Variants in HNF1A observed in about 807,000 individuals in gnomAD.
HNF1A encodes hepatocyte nuclear factor 1-alpha.
In HNF1A, 21 loss-of-function variants were observed where a neutral mutation model predicts 62.2. The ratio of observed to expected loss-of-function variants is 0.34; its 90% CI spans 0.24 to 0.49. The LOEUF is 0.49. Ranked by LOEUF, HNF1A falls within the 20% of genes least tolerant of loss-of-function variation. The probability of loss-of-function intolerance (pLI) is 0.99; values close to 1 mark genes in which losing one functional copy is unlikely to be tolerated. For synonymous variants in HNF1A, 374 were observed against 366.8 expected (o/e 1.02, Z -0.22); for missense variants, 687 against 832.3 (o/e 0.83, Z 2.15).
rs1877183611 is a variant in HNF1A at position 120,997,668 on chromosome 12, G to A, written c.1501+3G>A. On this transcript the variant is annotated splice_donor_region_variant and intron_variant, in intron 7 of 9. Coordinates refer to ENST00000257555, the MANE Select transcript of HNF1A (RefSeq NM_000545.8). ...GGCTCAGCTGCAGAGCCCCCACGGT[G>A]AGCGCCCTGTGCCCCACACAGCAGG... 1 of 1,608,646 alleles carries A rather than the reference G, an allele frequency of 6.2e-7. No individual in the cohort carries two copies. The highest frequency in any genetic ancestry group is 8.5e-7 in the Non-Finnish European group (1 of 1,177,810).
intron 4 of HNF1A, among the ~76,000 whole-genome samples, chr12:120,995,052 C>T (rs1877031417): frequency 6.6e-6 from 1 of 150,890 alleles, no homozygotes; most frequent in Non-Finnish European, 1.5e-5. Context: ...TCCATCCATT[C>T]CATCCAACTT....
In HNF1A at chr12:121,001,275, G is replaced by A; in HGVS notation, c.*83G>A. ...AGCCAGCCCTGCCTGGAGGACCTGAGCCTGCCGAGCAACCGTGGCCCTTCC... is the reference window on the plus strand; with the variant it reads ...AGCCAGCCCTGCCTGGAGGACCTGAACCTGCCGAGCAACCGTGGCCCTTCC... On this transcript the variant is annotated 3_prime_UTR_variant, in exon 10 of 10. Coordinates refer to ENST00000257555, the MANE Select transcript of HNF1A (RefSeq NM_000545.8). 1 of 1,538,086 alleles carries A rather than the reference G, an allele frequency of 6.5e-7. No homozygotes were observed. The highest frequency in any genetic ancestry group is 8.9e-7 in the Non-Finnish European group (1 of 1,127,230).
chr12:120,994,842 C>G (rs1877014294), intron 4 of HNF1A, among the ~76,000 whole-genome samples: 2 of 150,868 alleles, frequency 1.3e-5, no homozygotes, highest in Admixed American at 1.3e-4. Flanking sequence ...CCAACTTCAT[C>G]CCATCTACTA....
intron 1 of HNF1A, among the ~76,000 whole-genome samples, chr12:120,983,550 C>CT (rs554689596): frequency 0.015 from 2,180 of 143,730 alleles, 38 homozygotes; most frequent in Non-Finnish European, 0.019. Context: ...TTCTTTCTTT[C>CT]TTTTTTTTTT....
At chr12:120,983,944 G>GTGTGTGTGTA in intron 1 of HNF1A, among the ~76,000 whole-genome samples, 1 of 136,650 alleles carries the variant, frequency 7.3e-6, no homozygotes, top group Non-Finnish European at 1.6e-5. Flanking sequence ...GTGTGTGTGT[G>GTGTGTGTGTA]TGTGTTTGTG....
chr12:120,984,739 G>A (rs189012198), intron 1 of HNF1A, among the ~76,000 whole-genome samples: 3 of 152,066 alleles, frequency 2.0e-5, no homozygotes, highest in East Asian at 3.9e-4. Flanking sequence ...AGAGGCCTGC[G>A]GGGGTGGGGT....
At position 120,996,673 on chromosome 12, in the gene HNF1A, ATCG is replaced by A; in HGVS notation, c.1241_1243del (p.Ile414_Gly415delinsArg). The stretch of plus-strand genomic sequence containing the variant: ...GGCCTCACTTCCTGGGGTCATGACC[ATCG>A]GGCCTGGTGAGCCTGCCTCCCTGGG... On this transcript the variant is annotated inframe_deletion, in exon 6 of 10. Transcript: ENST00000257555. This position sits in a 1 kb window ranked among gnomAD's most constrained non-coding sequence, Gnocchi z 4.5. 6.2e-7 allele frequency: 1 copy of A among 1,613,908 alleles called. No homozygotes were observed. Among genetic ancestry groups the A allele is most frequent in the Non-Finnish European group, 8.5e-7 (1 of 1,179,982 alleles).
At position 120,993,581 on chromosome 12, in the gene HNF1A, CAAG is replaced by C; in HGVS notation, c.592_594del (p.Lys198del). On this transcript the variant is annotated inframe_deletion, in exon 3 of 10. Coordinates refer to ENST00000257555, the MANE Select transcript of HNF1A (RefSeq NM_000545.8). ...AGCCCACAGGTGATGAGCTACCAAC[CAAG>C]AAGGGGCGGAGGAACCGTTTCAAGT... 1.9e-6 allele frequency: 3 copies of C among 1,614,126 alleles called. No homozygotes were observed. Among genetic ancestry groups the C allele is most frequent in the Non-Finnish European group, 2.5e-6 (3 of 1,180,004 alleles).
At chr12:120,993,399 G>GTAGATTAGATGAT (rs1876924356) in intron 2 of HNF1A, 121 bp from the exon 3 acceptor site, 1 of 926,010 alleles carries the variant, frequency 1.1e-6, no homozygotes, top group Non-Finnish European at 1.7e-6. Context: ...CTAAGTTCTA[G>GTAGATTAGATGAT]CTGTAAGCTC....
Position 120,978,651 on chromosome 12 carries a change from C to A in HNF1A, c.-118C>A, listed in dbSNP as rs770046425. Reference sequence around the variant, plus strand: ...CTTGGCTAGTGGGGTTTTGGGGGGGCAGTGGGTGCAAGGAGTTTGGTTTGT... The same window carrying A: ...CTTGGCTAGTGGGGTTTTGGGGGGGAAGTGGGTGCAAGGAGTTTGGTTTGT... On this transcript the variant is annotated 5_prime_UTR_variant, in exon 1 of 10. Transcript: ENST00000257555. 2.1e-6 allele frequency: 2 copies of A among 951,868 alleles called. No homozygotes were observed. The highest frequency in any genetic ancestry group is 1.6e-5 in the African/African-American group (1 of 62,402). The allele number at this position is 951,868 out of a possible 1,614,324, so 59.0% of individuals were successfully genotyped here. A position where few individuals can be genotyped will look rare whatever the true frequency, so the allele number is the denominator to read the frequency against.
At position 120,997,535 on chromosome 12, in the gene HNF1A, C is replaced by T; in HGVS notation, c.1371C>T (p.Thr457=). The T allele has an allele frequency of 6.2e-7, 1 of 1,613,560 alleles. No individual in the cohort carries two copies. Among genetic ancestry groups the T allele is most frequent in the Non-Finnish European group, 8.5e-7 (1 of 1,179,988 alleles). ...TCAACAGCATGGGCAGCAGCCTGACCACCCTGCAGCCCGTCCAGTTCTCCC... is the reference window on the plus strand; with the variant it reads ...TCAACAGCATGGGCAGCAGCCTGACTACCCTGCAGCCCGTCCAGTTCTCCC... The part of the protein sequence containing the change: ...PVINSMGSSL[T]TLQPVQFSQP... The change falls in exon 7 of 10, where the codon ACC becomes ACT. Residue 457 remains threonine, a synonymous_variant. Coordinates refer to ENST00000257555, the MANE Select transcript of HNF1A (RefSeq NM_000545.8).
intron 6 of HNF1A, chr12:120,997,242 G>A (rs1268381998): frequency 7.0e-7 from 1 of 1,428,200 alleles, no homozygotes; most frequent in Non-Finnish European, 9.1e-7. Flanking sequence ...ACAAGTCACC[G>A]CCTGCCTCTC....
chr12:120,989,411 CCAT>C (rs1387464982), intron 2 of HNF1A, among the ~76,000 whole-genome samples: 1 of 152,318 alleles, frequency 6.6e-6, no homozygotes, highest in Middle Eastern at 3.4e-3. Flanking sequence ...GTGCCCACCA[CCAT>C]GCCTGGCTAA....
In HNF1A at chr12:120,996,225, G is replaced by T; in HGVS notation, c.956-37G>T. 6.2e-7 allele frequency: 1 copy of T among 1,612,668 alleles called. No individual in the cohort carries two copies. ...TGTGGAGGCAGGGGAGGGCAGGGAAGTGGGGTGCTGAGGCAGGACACTGCT... is the reference window on the plus strand; with the variant it reads ...TGTGGAGGCAGGGGAGGGCAGGGAATTGGGGTGCTGAGGCAGGACACTGCT... On this transcript the variant is annotated intron_variant, in intron 4 of 9. Coordinates refer to ENST00000257555, the MANE Select transcript of HNF1A (RefSeq NM_000545.8). The surrounding 1 kb of genome is among the most constrained non-coding windows in gnomAD (Gnocchi z 4.5).
rs764174318 is a variant in HNF1A, at chr12:120,978,834, C to G, written c.66C>G (p.Ser22Arg). ...CGGCCCTGCTCGAGTCAGGGCTGAG[C>G]AAAGAGGCACTGATCCAGGCACTGG... ...LLAALLESGL[S>R]KEALIQALGE... The change falls in exon 1 of 10, where the codon AGC (serine) becomes AGG (arginine). Residue 22 changes from serine (S) to arginine (R), a missense_variant. By Grantham distance (110) the Ser-to-Arg change is moderately radical. Around this residue, in one of 5 missense-constraint regions of HNF1A, gnomAD observed 159 missense variants for 154.4 expected, o/e 1.03. Transcript: ENST00000257555. The G allele has an allele frequency of 5.0e-5, 80 of 1,613,108 alleles. No homozygotes were observed. The highest frequency in any genetic ancestry group is 2.7e-5 in the African/African-American group (2 of 74,890).
rs143592417 is a variant in HNF1A at position 120,999,298 on chromosome 12, A to G, written c.1532A>G (p.Gln511Arg). 11 of 1,613,784 alleles carry G rather than the reference A, an allele frequency of 6.8e-6. No individual in the cohort carries two copies. Among genetic ancestry groups the G allele is most frequent in the Non-Finnish European group, 7.6e-6 (9 of 1,179,988 alleles). The change falls in exon 8 of 10, where the codon CAG (glutamine) becomes CGG (arginine). Residue 511 changes from glutamine to arginine, a missense_variant. By Grantham distance (43) the Gln-to-Arg change is conservative. Around this residue, in one of 5 missense-constraint regions of HNF1A, gnomAD observed 408 missense variants for 455.3 expected, o/e 0.90. Transcript: ENST00000257555. ...TACAGCCACAAGCCCGAGGTGGCCC[A>G]GTACACCCACACGGGCCTGCTCCCG... The part of the protein sequence containing the change: ...ALYSHKPEVA[Q>R]YTHTGLLPQT...
chr12:120,997,900 G>T (rs545563180), intron 7 of HNF1A: 2 of 683,304 alleles, frequency 2.9e-6, no homozygotes, highest in Non-Finnish European at 5.5e-6. Flanking sequence ...GGTGTGTATC[G>T]GTTGTGCATG....
chr12:120,996,592 C>T lies in HNF1A; in HGVS notation c.1159C>T (p.His387Tyr), dbSNP rs1403526456. 38 of 1,613,952 alleles carry T rather than the reference C, an allele frequency of 2.4e-5. No individual in the cohort carries two copies. Among genetic ancestry groups the T allele is most frequent in the Non-Finnish European group, 3.0e-5 (35 of 1,179,994 alleles). ...LPPVSTLTAL[H>Y]SLEQTSPGLN... ...CCCTGTCAGCACCCTGACAGCACTG[C>T]ACAGCTTGGAGCAGACATCCCCAGG... The change falls in exon 6 of 10, where the codon CAC (histidine) becomes TAC (tyrosine). Residue 387 changes from histidine to tyrosine, a missense_variant. Transcript: ENST00000257555. This position sits in a 1 kb window ranked among gnomAD's most constrained non-coding sequence, Gnocchi z 4.5.
chr12:120,993,693 G>A lies in HNF1A; in HGVS notation c.700G>A (p.Glu234Lys), dbSNP rs2135839920. The change falls in exon 3 of 10, where the codon GAG (glutamate) becomes AAG (lysine). Residue 234 changes from glutamate to lysine, a missense_variant. Coordinates refer to ENST00000257555, the MANE Select transcript of HNF1A (RefSeq NM_000545.8). The stretch of plus-strand genomic sequence containing the variant: ...CAAGGAGGAGCGAGAGACGCTAGTG[G>A]AGGAGTGCAATAGGTACAACGGCGG... ...PSKEERETLVEECNRAECIQR... is the reference protein window; with the variant it reads ...PSKEERETLVKECNRAECIQR... 5 of 1,614,000 alleles carry A rather than the reference G, an allele frequency of 3.1e-6. No homozygotes were observed. Among genetic ancestry groups the A allele is most frequent in the Non-Finnish European group, 4.2e-6 (5 of 1,180,006 alleles).
Sources: gnomAD v4.1 joint callset for allele counts (sites outside exome capture counted in the v4.1 genomes callset) on GRCh38, gnomAD v4.1.1 for gene constraint, gnomAD v4.1.1 regional missense constraint, Gnocchi (gnomAD v3.1) non-coding constraint, MANE v1.5 for transcripts, NCBI Gene and HGNC (gene_info 2026-07-23, HGNC 2026-07-21) for gene names.